CACNA2D1: variants seen among roughly 807,000 people sequenced by gnomAD.
The protein encoded by CACNA2D1 is voltage-dependent calcium channel subunit alpha-2/delta-1.
Under a neutral mutation model 171.5 loss-of-function variants are expected in CACNA2D1, and 53 were observed. The observed-to-expected ratio is 0.31, with a 90% CI of 0.25 to 0.39. The LOEUF (loss-of-function observed/expected upper bound fraction) is 0.39, where lower values mean the gene tolerates loss of function less well. CACNA2D1 is among the 10% of genes least tolerant of loss of function. The probability of loss-of-function intolerance (pLI) is 1.00; values close to 1 mark genes in which losing one functional copy is unlikely to be tolerated. For missense variants in CACNA2D1, 903 were observed against 1,299.8 expected, an observed-to-expected ratio of 0.69 and a Z score of 4.69; for synonymous variants, 442 against 443.1, an observed-to-expected ratio of 1.00 and a Z score of 0.03.
chr7:82,196,587 T>A (rs527986777), intron 3 of CACNA2D1, among the ~76,000 whole-genome samples: 1 of 152,162 alleles, frequency 6.6e-6, no homozygotes, highest in East Asian at 1.9e-4. Context: ...TTGGTCTGTT[T>A]GTAGATTTGT....
intron 4 of CACNA2D1, among the ~76,000 whole-genome samples, chr7:82,140,513 G>C (rs749778864): frequency 6.6e-6 from 1 of 152,086 alleles, no homozygotes; most frequent in African/African-American, 2.4e-5. Context: ...TCAGGAGTTG[G>C]AGAAACTAAC....
chr7:81,973,100 A>G (rs37072), intron 25 of CACNA2D1, among the ~76,000 whole-genome samples: 1,610 of 152,198 alleles, frequency 0.011, 28 homozygotes, highest in African/African-American at 0.035. Flanking sequence ...CTGAAAAGTT[A>G]TATGTTAGGA....
At chr7:81,962,873 G>A (rs539319010) in intron 34 of CACNA2D1, among the ~76,000 whole-genome samples, 17 of 152,012 alleles carry the variant, frequency 1.1e-4, no homozygotes, top group Middle Eastern at 3.4e-3. Context: ...GGTTTCCCCC[G>A]CCCCCAACAA....
intron 3 of CACNA2D1, among the ~76,000 whole-genome samples, chr7:82,303,351 A>G (rs77608066): frequency 0.016 from 2,430 of 152,046 alleles, 24 homozygotes; most frequent in South Asian, 0.039. Context: ...CAAGACAACT[A>G]TATTACTCAA....
intron 3 of CACNA2D1, among the ~76,000 whole-genome samples, chr7:82,178,712 C>T (rs918302324): frequency 2.0e-5 from 3 of 152,048 alleles, no homozygotes; most frequent in Non-Finnish European, 4.4e-5. Flanking sequence ...TTCTAAATAG[C>T]AATATAATTA....
intron 3 of CACNA2D1, among the ~76,000 whole-genome samples, chr7:82,238,233 A>G (rs1426598027): frequency 6.6e-6 from 1 of 152,032 alleles, no homozygotes; most frequent in East Asian, 1.9e-4. Context: ...TTCTCATGCT[A>G]TCACTAGCGA....
chr7:82,191,828 T>G (rs546520693), intron 3 of CACNA2D1, among the ~76,000 whole-genome samples: 1 of 151,950 alleles, frequency 6.6e-6, no homozygotes, highest in Admixed American at 6.6e-5. Flanking sequence ...ATTATTTTAT[T>G]AATGAATATA....
At chr7:81,965,256 A>C (rs958565281) in intron 32 of CACNA2D1, among the ~76,000 whole-genome samples, 9 of 151,960 alleles carry the variant, frequency 5.9e-5, no homozygotes, top group Non-Finnish European at 1.3e-4. Context: ...AAATCACATC[A>C]GTTTTAACAA....
intron 20 of CACNA2D1, among the ~76,000 whole-genome samples, chr7:81,991,597 C>T (rs572635753): frequency 1.4e-3 from 215 of 152,274 alleles, no homozygotes; most frequent in African/African-American, 4.8e-3. Context: ...TAATAGGCAA[C>T]ATCAGGACAT....
At chr7:82,208,018 C>G (rs1199350876) in intron 3 of CACNA2D1, among the ~76,000 whole-genome samples, 1 of 152,146 alleles carries the variant, frequency 6.6e-6, no homozygotes, top group Non-Finnish European at 1.5e-5. Flanking sequence ...CAACATATCA[C>G]ATTCTGACTT....
In CACNA2D1 at chr7:81,974,572, A is replaced by G; in HGVS notation, c.1956-20T>C. On this transcript the variant is annotated intron_variant, in intron 24 of 38. Coordinates refer to ENST00000356860, the MANE Select transcript of CACNA2D1 (RefSeq NM_000722.4). ...TAATCTCTGAAAAAAAAACATTTTGAGATATTAGATATTAAAATCAAAACT... is the reference window on the plus strand; with the variant it reads ...TAATCTCTGAAAAAAAAACATTTTGGGATATTAGATATTAAAATCAAAACT... 1 of 1,220,228 alleles carries G rather than the reference A, an allele frequency of 8.2e-7. No individual in the cohort carries two copies. Among genetic ancestry groups the G allele is most frequent in the Non-Finnish European group, 1.2e-6 (1 of 831,962 alleles). 75.6% of individuals were successfully genotyped at this position (1,220,228 alleles called of 1,614,324 possible). A position where few individuals can be genotyped will look rare whatever the true frequency, so the allele number is the denominator to read the frequency against.
intron 3 of CACNA2D1, among the ~76,000 whole-genome samples, chr7:82,245,641 GTC>G (rs151115597): frequency 2.4e-4 from 35 of 148,116 alleles, no homozygotes; most frequent in East Asian, 1.8e-3. Context: ...CACACAAAAT[GTC>G]TCTCTCTCTC....
rs1817830131 is a variant in CACNA2D1, at chr7:82,335,168, C to T, written c.261G>A (p.Glu87=). 1 of 1,612,324 alleles carries T rather than the reference C, an allele frequency of 6.2e-7. No individual in the cohort carries two copies. Among genetic ancestry groups the T allele is most frequent in the Non-Finnish European group, 8.5e-7 (1 of 1,178,492 alleles). The change falls in exon 3 of 39, where the codon GAG becomes GAA. Residue 87 remains glutamate (E), a synonymous_variant. Coordinates refer to ENST00000356860, the MANE Select transcript of CACNA2D1 (RefSeq NM_000722.4). ...CTTTAGATCTGTTGCTCAGAAGTTT[C>T]TCAATATCCCTGGCTGCAATTTCTA... ...QLVEIAARDI[E]KLLSNRSKAL...
At chr7:82,017,482 C>A (rs1344147351) in intron 12 of CACNA2D1, among the ~76,000 whole-genome samples, 3 of 152,090 alleles carry the variant, frequency 2.0e-5, no homozygotes. Context: ...CAACTTTCCA[C>A]TTGGAATTGT....
intron 3 of CACNA2D1, among the ~76,000 whole-genome samples, chr7:82,185,937 A>T (rs2129178095): frequency 6.6e-6 from 1 of 152,058 alleles, no homozygotes; most frequent in Admixed American, 6.5e-5. Flanking sequence ...CAGGCGGATC[A>T]CCTGAGGTCA....
At chr7:82,261,606 A>C (rs1389078167) in intron 3 of CACNA2D1, among the ~76,000 whole-genome samples, 2 of 152,242 alleles carry the variant, frequency 1.3e-5, no homozygotes, top group Non-Finnish European at 2.9e-5. Flanking sequence ...CTACTTATGC[A>C]TTTCTAATCT....
chr7:82,025,812 T>C (rs13244092), intron 12 of CACNA2D1, among the ~76,000 whole-genome samples: 2 of 151,714 alleles, frequency 1.3e-5, no homozygotes, highest in Non-Finnish European at 3.0e-5. Context: ...GGTTATAGTG[T>C]TGTTCAAGTC....
chr7:82,186,290 A>AAGGAAGGAAG (rs1797772703), intron 3 of CACNA2D1, among the ~76,000 whole-genome samples: 33 of 112,410 alleles, frequency 2.9e-4, no homozygotes, highest in South Asian at 9.1e-4. Context: ...AAGGAAGGAA[A>AAGGAAGGAAG]GAAAGGTGGG....
At chr7:82,421,972 T>C (rs1317522817) in intron 1 of CACNA2D1, among the ~76,000 whole-genome samples, 1 of 152,162 alleles carries the variant, frequency 6.6e-6, no homozygotes, top group East Asian at 1.9e-4. Context: ...TTTTATTCCA[T>C]GGATCCTTGA....
Sources: gnomAD v4.1 joint callset for allele counts (sites outside exome capture counted in the v4.1 genomes callset) on GRCh38, gnomAD v4.1.1 for gene constraint, MANE v1.5 for transcripts, NCBI Gene and HGNC (gene_info 2026-07-23, HGNC 2026-07-21) for gene names.